Variants in PRUNE2 observed in about 807,000 individuals in gnomAD.
PRUNE2 encodes the protein prune homolog 2 with BCH domain, also known as protein prune homolog 2.
In PRUNE2, 164 loss-of-function variants were observed where a neutral mutation model predicts 252.0. That is an observed-to-expected ratio of 0.65 (90% CI 0.57 to 0.74). The LOEUF (loss-of-function observed/expected upper bound fraction) is 0.74, where lower values mean the gene tolerates loss of function less well. Ranked by LOEUF, PRUNE2 falls within the 30% of genes least tolerant of loss-of-function variation. The pLI is 0.00. For missense variants in PRUNE2, 3,495 were observed against 3,711.0 expected (o/e 0.94, Z 1.51); for synonymous variants, 1,292 against 1,350.2 (o/e 0.96, Z 0.94).
At chr9:76,767,939 T>G (rs2052600817) in intron 6 of PRUNE2, among the ~76,000 whole-genome samples, 1 of 152,230 alleles carries the variant, frequency 6.6e-6, no homozygotes, top group African/African-American at 2.4e-5. Context: ...GAGCAAGGAC[T>G]GGAAGTATTA....
In PRUNE2 at chr9:76,730,036, A is replaced by ATAT. The variant is rs1237674709; in HGVS notation, c.757-16316_757-16315insATA. ...TCTTTCCAAAGCATTAATCTTAGAA[A>ATAT]TAACTACCTTAGTCCTATTTCATCA... is the stretch of plus-strand genomic sequence containing the variant. On this transcript the variant is annotated intron_variant, in intron 6 of 18. Coordinates refer to ENST00000376718, the MANE Select transcript of PRUNE2 (RefSeq NM_015225.3). Among the ~76,000 whole-genome samples the ATAT allele has an allele frequency of 4.6e-5, 7 of 152,238 alleles. No individual in the cohort carries two copies. In the East Asian group the frequency reaches 1.3e-3, roughly 29 times the overall value.
intron 1 of PRUNE2, among the ~76,000 whole-genome samples, chr9:76,865,782 C>T (rs1172950462): frequency 6.7e-6 from 1 of 149,478 alleles, no homozygotes; most frequent in African/African-American, 2.5e-5. Flanking sequence ...TCATTTCTCT[C>T]CCTTCTTTCT....
intron 9 of PRUNE2, 52 bp from the exon 10 acceptor site, chr9:76,655,554 TTTCTTTTGAAAAGGAAACCCACAGAG>T: frequency 7.3e-7 from 1 of 1,364,628 alleles, no homozygotes; most frequent in Non-Finnish European, 1.0e-6. Context: ...TAAGACTTCA[TTTCTTTTGAAAAGGAAACCCACAGAG>T]TCCAGGATAA....
chr9:76,731,316 A>C (rs1215733725), intron 6 of PRUNE2, among the ~76,000 whole-genome samples: 42 of 110,180 alleles, frequency 3.8e-4, no homozygotes, highest in South Asian at 3.2e-3. Context: ...CTATCTATAT[A>C]TATATATATT....
chr9:76,629,137 C>A, intron 16 of PRUNE2, 55 bp downstream of exon 16: 1 of 1,117,126 alleles, frequency 9.0e-7, no homozygotes. Flanking sequence ...GCCACCACAC[C>A]CAGCCTCAAA....
chr9:76,749,718 A>C (rs1362728699), intron 6 of PRUNE2, among the ~76,000 whole-genome samples: 8 of 152,320 alleles, frequency 5.3e-5, no homozygotes, highest in African/African-American at 1.9e-4. Context: ...TTGGTTTGTA[A>C]CACAAGGATC....
chr9:76,894,950 A>G (rs544199176), intron 1 of PRUNE2, among the ~76,000 whole-genome samples: 4 of 152,088 alleles, frequency 2.6e-5, no homozygotes, highest in Non-Finnish European at 5.9e-5. Flanking sequence ...CTCTTGAACC[A>G]GGGAGGTAGA....
chr9:76,885,675 C>T (rs2062043813), intron 1 of PRUNE2, among the ~76,000 whole-genome samples: 1 of 152,130 alleles, frequency 6.6e-6, no homozygotes, highest in South Asian at 2.1e-4. Context: ...GATGGCTATG[C>T]ATGTAGACTT....
intron 1 of PRUNE2, among the ~76,000 whole-genome samples, chr9:76,870,652 C>T (rs143852732): frequency 0.02 from 3,069 of 150,252 alleles, 105 homozygotes; most frequent in African/African-American, 0.072. Context: ...CGCCACTGCA[C>T]TCCAGCCTGG....
At chr9:76,751,616 T>C (rs1487963024) in intron 6 of PRUNE2, among the ~76,000 whole-genome samples, 3 of 152,164 alleles carry the variant, frequency 2.0e-5, no homozygotes, top group Admixed American at 6.5e-5. Context: ...GGCAAATCCA[T>C]ACTGAAATAT....
At chr9:76,624,632 A>G in intron 16 of PRUNE2, 142 bp from the exon 17 acceptor site, 1 of 506,370 alleles carries the variant, frequency 2.0e-6, no homozygotes, top group Non-Finnish European at 3.4e-6. Flanking sequence ...CCTGAGACGT[A>G]CTCCTTCCAT....
chr9:76,614,670 A>G, intron 18 of PRUNE2, 70 bp from the exon 19 acceptor site: 1 of 1,196,678 alleles, frequency 8.4e-7, no homozygotes, highest in Non-Finnish European at 1.2e-6. Context: ...TGATTTGGGT[A>G]GCACTGTGTT....
chr9:76,733,214 G>A (rs1223861469), intron 6 of PRUNE2, among the ~76,000 whole-genome samples: 1 of 152,052 alleles, frequency 6.6e-6, no homozygotes. Flanking sequence ...CCAACATCAA[G>A]AAAACAGATG....
chr9:76,868,629 C>T (rs1312641319), intron 1 of PRUNE2, among the ~76,000 whole-genome samples: 2 of 152,150 alleles, frequency 1.3e-5, no homozygotes, highest in East Asian at 3.8e-4. Context: ...CCCAGGGCAA[C>T]AGCCAACTCA....
chr9:76,781,326 A>G (rs1031801117), intron 6 of PRUNE2, among the ~76,000 whole-genome samples: 1 of 152,060 alleles, frequency 6.6e-6, no homozygotes, highest in Non-Finnish European at 1.5e-5. Flanking sequence ...ATCTGATCCC[A>G]CCACCTCTCC....
intron 6 of PRUNE2, among the ~76,000 whole-genome samples, chr9:76,732,778 C>A (rs2048742352): frequency 6.6e-6 from 1 of 152,186 alleles, no homozygotes; most frequent in South Asian, 2.1e-4. Context: ...CAGAAGTAGA[C>A]CTCCAGCAGC....
chr9:76,754,465 C>G (rs2050923799), intron 6 of PRUNE2, among the ~76,000 whole-genome samples: 1 of 152,184 alleles, frequency 6.6e-6, no homozygotes. Context: ...TATGGGCACG[C>G]ATGAACATCA....
chr9:76,710,900 A>G lies in PRUNE2; in HGVS notation c.1374T>C (p.Pro458=), dbSNP rs1270634600. 1.3e-6 allele frequency: 2 copies of G among 1,550,366 alleles called. No individual in the cohort carries two copies. The highest frequency in any genetic ancestry group is 8.7e-7 in the Non-Finnish European group (1 of 1,149,424). ...CAAGCCCTGGGAGAAGGGTGTGGTGAGGCCCAGCACCTTCTCCCACGGGGC... is the reference window on the plus strand; with the variant it reads ...CAAGCCCTGGGAGAAGGGTGTGGTGGGGCCCAGCACCTTCTCCCACGGGGC... ...DDSPVGEGAG[P]HHTLLPGLDS... The change falls in exon 8 of 19, where the codon CCT becomes CCC. Residue 458 remains proline (P), a synonymous_variant. Transcript: ENST00000376718.
chr9:76,706,238 G>T lies in PRUNE2; in HGVS notation c.6036C>A (p.Ser2012Arg), dbSNP rs1219395019. The T allele has an allele frequency of 6.2e-7, 1 of 1,613,990 alleles. No homozygotes were observed. Among genetic ancestry groups the T allele is most frequent in the Admixed American group, 1.7e-5 (1 of 60,020 alleles). ...KSYLGEMTNS[S>R]IATENFPAVS... ...CAGCAGGAAAATTTTCTGTGGCAATGCTTGAATTTGTCATCTCACCTAGGT... is the reference window on the plus strand; with the variant it reads ...CAGCAGGAAAATTTTCTGTGGCAATTCTTGAATTTGTCATCTCACCTAGGT... Residue 2012 changes from serine to arginine, a missense_variant, in exon 8 of 19, where the codon AGC (serine) becomes AGA (arginine). Coordinates refer to ENST00000376718, the MANE Select transcript of PRUNE2 (RefSeq NM_015225.3).
Sources: allele counts gnomAD v4.1 joint callset (sites outside exome capture counted in the v4.1 genomes callset), GRCh38; gene constraint gnomAD v4.1.1; transcripts MANE v1.5; gene names NCBI Gene and HGNC (gene_info 2026-07-23, HGNC 2026-07-21).